TFEC: variants seen among roughly 807,000 people sequenced by gnomAD.
TFEC encodes class E basic helix-loop-helix protein 34.
A neutral mutation model predicts 41.6 loss-of-function variants in TFEC; 31 were observed. The ratio of observed to expected loss-of-function variants is 0.74; its 90% confidence interval spans 0.56 to 1.01. The LOEUF is 1.01. Among genes scored for constraint, TFEC ranks in the 50% least tolerant of loss-of-function variants. TFEC has a pLI of 0.00. For missense variants in TFEC, 402 were observed against 404.1 expected, an observed-to-expected ratio of 0.99 and a Z score of 0.04; for synonymous variants, 143 against 140.6, an observed-to-expected ratio of 1.02 and a Z score of -0.12.
At chr7:116,106,743 A>T (rs974532212) in intron 3 of TFEC, among the ~76,000 whole-genome samples, 1 of 152,174 alleles carries the variant, frequency 6.6e-6, no homozygotes, top group Non-Finnish European at 1.5e-5. Context: ...AGACAAAAAA[A>T]ATCTCAGCTT....
chr7:116,042,394 G>A (rs1243494171), intron 3 of TFEC, among the ~76,000 whole-genome samples: 1 of 152,164 alleles, frequency 6.6e-6, no homozygotes, highest in Non-Finnish European at 1.5e-5. Context: ...GAAAAGAGAA[G>A]TTATATGAGA....
chr7:116,017,981 G>GTGCAGTGTTT (rs71137147), intron 1 of TFEC, among the ~76,000 whole-genome samples: 1 of 151,598 alleles, frequency 6.6e-6, no homozygotes, highest in Admixed American at 6.6e-5. Context: ...ATCCAGTGTT[G>GTGCAGTGTTT]GGCAAATATT....
At chr7:116,101,686 G>C (rs554121815) in intron 3 of TFEC, among the ~76,000 whole-genome samples, 1 of 149,534 alleles carries the variant, frequency 6.7e-6, no homozygotes, top group Non-Finnish European at 1.5e-5. Flanking sequence ...AAAGACCTTG[G>C]GGGGAGTTGG....
At chr7:116,040,026 T>C (rs113309671) in intron 3 of TFEC, among the ~76,000 whole-genome samples, 3,118 of 152,216 alleles carry the variant, frequency 0.02, 93 homozygotes, top group African/African-American at 0.069. Context: ...AGATGTGACC[T>C]GGACAAAGAG....
chr7:116,129,586 CTTT>C lies in TFEC; in HGVS notation c.-68-17551_-68-17549del, dbSNP rs932837265. On this transcript the variant is annotated intron_variant, in intron 1 of 8. Transcript: ENST00000484212. Reference sequence around the variant, plus strand: ...TACCTTTGTATTCCCAATATTCTTACTTTTTTTTTTTTTTTTTTTTTTTTGACA... The same window carrying C: ...TACCTTTGTATTCCCAATATTCTTACTTTTTTTTTTTTTTTTTTTTTGACA... Among the ~76,000 whole-genome samples, 5 of 106,886 alleles carry C rather than the reference CTTT, an allele frequency of 4.7e-5. No individual in the cohort carries two copies. The South Asian group carries it at 9.0e-4, about 19-fold the overall frequency. 70.1% of individuals were successfully genotyped at this position (106,886 alleles called of 152,430 possible). A position where few individuals can be genotyped will look rare whatever the true frequency, so the allele number is the denominator to read the frequency against.
intron 1 of TFEC, among the ~76,000 whole-genome samples, chr7:116,017,231 T>C (rs4541837): frequency 0.4 from 61,425 of 152,018 alleles, 13,402 homozygotes; most frequent in Non-Finnish European, 0.5. Flanking sequence ...GTTTTTTTGT[T>C]TGTTTATTTA....
chr7:116,092,281 T>C (rs1434668386), intron 3 of TFEC, among the ~76,000 whole-genome samples: 4 of 152,198 alleles, frequency 2.6e-5, no homozygotes, highest in African/African-American at 9.6e-5. Flanking sequence ...TTGGTTCTTA[T>C]GCATCTATTA....
chr7:115,998,050 A>C (rs1275703965), intron 1 of TFEC, among the ~76,000 whole-genome samples: 1 of 152,162 alleles, frequency 6.6e-6, no homozygotes, highest in Non-Finnish European at 1.5e-5. Flanking sequence ...TCAAATGGGT[A>C]ATAACACAGA....
chr7:116,107,485 C>T (rs1487498814), intron 3 of TFEC, among the ~76,000 whole-genome samples: 1 of 152,154 alleles, frequency 6.6e-6, no homozygotes, highest in Non-Finnish European at 1.5e-5. Flanking sequence ...CCTGGAGGGA[C>T]TGAAGCCTAT....
intron 1 of TFEC, among the ~76,000 whole-genome samples, chr7:115,987,631 TA>T (rs1793916649): frequency 6.6e-6 from 1 of 152,058 alleles, no homozygotes; most frequent in Non-Finnish European, 1.5e-5. Flanking sequence ...GACAGGGTAG[TA>T]AAAAATGAGT....
intron 3 of TFEC, among the ~76,000 whole-genome samples, chr7:116,067,111 A>G (rs952426263): frequency 3.9e-5 from 6 of 152,058 alleles, no homozygotes; most frequent in African/African-American, 1.2e-4. Flanking sequence ...TGCACGTGGT[A>G]CCTCATAAAA....
chr7:115,983,150 T>G (rs1793702500), intron 2 of TFEC, among the ~76,000 whole-genome samples: 1 of 152,130 alleles, frequency 6.6e-6, no homozygotes, highest in Admixed American at 6.6e-5. Flanking sequence ...ATAGAGAAAC[T>G]GATTCTACAT....
chr7:116,039,329 T>C (rs1294788394), intron 3 of TFEC, among the ~76,000 whole-genome samples: 2 of 151,924 alleles, frequency 1.3e-5, no homozygotes, highest in Non-Finnish European at 2.9e-5. Flanking sequence ...AGAAAAATTA[T>C]AGGAAGAAAG....
intron 3 of TFEC, among the ~76,000 whole-genome samples, chr7:116,081,073 A>G (rs897182688): frequency 6.6e-6 from 1 of 151,870 alleles, no homozygotes; most frequent in African/African-American, 2.4e-5. Flanking sequence ...AATGTCATTC[A>G]CAGCAAAGGT....
At chr7:116,130,231 C>G (rs1798304943) in intron 1 of TFEC, among the ~76,000 whole-genome samples, 1 of 152,112 alleles carries the variant, frequency 6.6e-6, no homozygotes, top group Non-Finnish European at 1.5e-5. Context: ...TCACAGAGTG[C>G]TAGAAGTTTG....
At chr7:116,136,718 G>A (rs774029860) in intron 1 of TFEC, among the ~76,000 whole-genome samples, 3 of 151,742 alleles carry the variant, frequency 2.0e-5, no homozygotes, top group Non-Finnish European at 4.4e-5. Flanking sequence ...CAAGTCATAT[G>A]AATAATTTCT....
intron 3 of TFEC, among the ~76,000 whole-genome samples, chr7:116,098,882 G>GGAAA (rs1491573457): frequency 7.2e-6 from 1 of 139,238 alleles, no homozygotes; most frequent in African/African-American, 3.0e-5. Context: ...AAGGAAGGAA[G>GGAAA]GAAGGAAGGA....
chr7:116,158,095 A>G (rs556662172), intron 1 of TFEC, among the ~76,000 whole-genome samples: 5 of 152,286 alleles, frequency 3.3e-5, no homozygotes, highest in African/African-American at 1.2e-4. Context: ...ATTAAAATAA[A>G]AGAGATAGGT....
chr7:116,152,013 C>A (rs1209136590), intron 1 of TFEC, among the ~76,000 whole-genome samples: 1 of 151,920 alleles, frequency 6.6e-6, no homozygotes. Context: ...AGGTAGTAAA[C>A]CCTTTCTTAT....
Sources: gnomAD v4.1 joint callset for allele counts (sites outside exome capture counted in the v4.1 genomes callset) on GRCh38, gnomAD v4.1.1 for gene constraint, MANE v1.5 for transcripts, NCBI Gene and HGNC (gene_info 2026-07-23, HGNC 2026-07-21) for gene names.